The following RGS12 variants were observed in gnomAD, a reference collection of about 807,000 sequenced individuals.
RGS12 encodes regulator of G-protein signaling 12.
In RGS12, 66 loss-of-function variants were observed where a neutral mutation model predicts 120.1. The ratio of observed to expected loss-of-function variants is 0.55; its 90% CI spans 0.45 to 0.67. RGS12 has a LOEUF of 0.67. Among genes scored for constraint, RGS12 ranks in the 30% least tolerant of loss-of-function variants. RGS12 has a pLI of 0.00. For missense variants in RGS12, 1,859 were observed against 1,957.7 expected (o/e 0.95, Z 0.95); for synonymous variants, 827 against 804.7 (o/e 1.03, Z -0.47).
chr4:3,410,774 A>T (rs1323748108), intron 4 of RGS12, among the ~76,000 whole-genome samples: 4 of 152,224 alleles, frequency 2.6e-5, no homozygotes, highest in Admixed American at 2.0e-4. Context: ...TGATGAGGCC[A>T]GTGAACCTAC....
chr4:3,348,000 A>G (rs1191331380), intron 3 of RGS12, among the ~76,000 whole-genome samples: 2 of 152,260 alleles, frequency 1.3e-5, no homozygotes, highest in Non-Finnish European at 2.9e-5. Context: ...AATTTACCAG[A>G]TAAGCCTAAT....
intron 13 of RGS12, among the ~76,000 whole-genome samples, chr4:3,424,595 C>G (rs768884318): frequency 2.0e-5 from 3 of 152,178 alleles, no homozygotes; most frequent in Non-Finnish European, 4.4e-5. Context: ...GCAGCGTGCT[C>G]GTGGCATGGT....
chr4:3,338,409 GGT>G (rs1712709041), intron 2 of RGS12, among the ~76,000 whole-genome samples: 1 of 152,230 alleles, frequency 6.6e-6, no homozygotes, highest in Non-Finnish European at 1.5e-5. Context: ...CCTGAGCAGG[GGT>G]TAAGGTTCTA....
chr4:3,422,051 C>T (rs1029981356), intron 10 of RGS12, among the ~76,000 whole-genome samples: 2 of 152,156 alleles, frequency 1.3e-5, no homozygotes, highest in Admixed American at 1.3e-4. Context: ...GGGAGTGGTC[C>T]TCACAGGGCA....
intron 3 of RGS12, among the ~76,000 whole-genome samples, chr4:3,361,999 G>T (rs975997976): frequency 6.6e-6 from 1 of 152,210 alleles, no homozygotes; most frequent in Non-Finnish European, 1.5e-5. Flanking sequence ...GGAGCCAGGA[G>T]CCAGCGTGTA....
chr4:3,336,592 G>A (rs1053253899), intron 2 of RGS12, among the ~76,000 whole-genome samples: 1 of 152,248 alleles, frequency 6.6e-6, no homozygotes, highest in Non-Finnish European at 1.5e-5. Flanking sequence ...AGGGGTGGGG[G>A]TGTAGTCGTG....
At position 3,317,127 on chromosome 4, in the gene RGS12, G is replaced by C; in HGVS notation, c.957G>C (p.Thr319=). Residue 319 remains threonine (T), a synonymous_variant, in exon 2 of 18, where the codon ACG becomes ACC. Transcript: ENST00000336727. ...RRFFGLVTMQ[T]NDDGSLAQEE... ...TTTTCGGGTTGGTTACCATGCAGACGAATGACGACGGGAGCCTGGCCCAGG... is the reference window on the plus strand; with the variant it reads ...TTTTCGGGTTGGTTACCATGCAGACCAATGACGACGGGAGCCTGGCCCAGG... 1.9e-6 allele frequency: 3 copies of C among 1,613,942 alleles called. No homozygotes were observed. Among genetic ancestry groups the C allele is most frequent in the Non-Finnish European group, 2.5e-6 (3 of 1,180,022 alleles).
intron 3 of RGS12, among the ~76,000 whole-genome samples, chr4:3,357,466 A>T (rs1010049504): frequency 1.3e-5 from 2 of 152,150 alleles, no homozygotes; most frequent in African/African-American, 4.8e-5. Context: ...TGTCTTGAAG[A>T]AAACCCTGTT....
At chr4:3,380,822 G>T (rs552832973) in intron 3 of RGS12, among the ~76,000 whole-genome samples, 2 of 152,324 alleles carry the variant, frequency 1.3e-5, no homozygotes, top group African/African-American at 4.8e-5. Flanking sequence ...CTCCAGGCCT[G>T]TGATGAGAGG....
intron 4 of RGS12, chr4:3,412,992 C>G (rs1288450713): frequency 7.0e-6 from 1 of 142,312 alleles, no homozygotes; most frequent in Non-Finnish European, 1.6e-5. Flanking sequence ...GACGGGGGCG[C>G]CCCCACACTG....
chr4:3,425,177 C>T (rs146372032), intron 13 of RGS12, among the ~76,000 whole-genome samples: 4 of 152,298 alleles, frequency 2.6e-5, no homozygotes, highest in African/African-American at 9.6e-5. Context: ...TCAGTATTTC[C>T]CTCATAGCAG....
In RGS12 at chr4:3,433,369, A is replaced by T. The variant is rs1724518967; in HGVS notation, c.4114+2414A>T. ...GCTACGCGTGGGGGCTGCCAGCAAC[A>T]GCCTTGAGGTAGGGGGAGTCTCCAC... On this transcript the variant is annotated intron_variant, in intron 17 of 17. Transcript: ENST00000336727. The surrounding 1 kb of genome is among the most constrained non-coding windows in gnomAD (Gnocchi z 4.4). Among the ~76,000 whole-genome samples, 1 of 152,172 alleles carries T rather than the reference A, an allele frequency of 6.6e-6. No individual in the cohort carries two copies. Among genetic ancestry groups the T allele is most frequent in the Admixed American group, 6.5e-5 (1 of 15,284 alleles).
rs1717067742 is a variant in RGS12 at position 3,372,073 on chromosome 4, A to T, written c.1999-14343A>T. On this transcript the variant is annotated intron_variant, in intron 3 of 17. Transcript: ENST00000336727. The surrounding 1 kb of genome is among the most constrained non-coding windows in gnomAD (Gnocchi z 4.3). Reference sequence around the variant, plus strand: ...GCCTGTCACCTAATCGGGGCACCTCATCCTGTTTCATAAACCATGTGGCGT... The same window carrying T: ...GCCTGTCACCTAATCGGGGCACCTCTTCCTGTTTCATAAACCATGTGGCGT... 6.6e-6 allele frequency among the ~76,000 whole-genome samples: 1 copy of T among 152,180 alleles called. No individual in the cohort carries two copies.
intron 6 of RGS12, among the ~76,000 whole-genome samples, chr4:3,415,100 GA>G (rs1722230275): frequency 1.4e-5 from 2 of 144,650 alleles, no homozygotes; most frequent in Non-Finnish European, 3.0e-5. Flanking sequence ...GGGCGTGTGA[GA>G]GGTCGCGTGT....
intron 3 of RGS12, among the ~76,000 whole-genome samples, chr4:3,362,877 G>A (rs1042961552): frequency 3.3e-5 from 5 of 151,692 alleles, no homozygotes; most frequent in Admixed American, 2.6e-4. Flanking sequence ...GGGTGTGTGT[G>A]TGTGAGAGCA....
chr4:3,355,121 A>C (rs1171392364), intron 3 of RGS12, among the ~76,000 whole-genome samples: 1 of 152,202 alleles, frequency 6.6e-6, no homozygotes, highest in African/African-American at 2.4e-5. Context: ...TTTCAAGGAC[A>C]CACTATTTTT....
upstream of RGS12, among the ~76,000 whole-genome samples, chr4:3,288,743 C>G (rs540585003): frequency 2.0e-5 from 3 of 152,276 alleles, no homozygotes; most frequent in African/African-American, 7.2e-5. The surrounding 1 kb of genome is among the most constrained non-coding windows in gnomAD (Gnocchi z 5.2). Context: ...CAAAGGGATC[C>G]GGTCCCCGTG....
At chr4:3,332,537 T>C (rs1048035064) in intron 2 of RGS12, among the ~76,000 whole-genome samples, 3 of 152,234 alleles carry the variant, frequency 2.0e-5, no homozygotes, top group Non-Finnish European at 4.4e-5. Flanking sequence ...TTTAAATCTT[T>C]TGCTAATCTG....
chr4:3,434,470 C>T lies in RGS12; in HGVS notation c.4114+3515C>T, dbSNP rs544975245. Among the ~76,000 whole-genome samples the T allele has an allele frequency of 5.6e-4, 85 of 152,216 alleles. 1 individual carries two copies. In the South Asian group the frequency reaches 0.017, roughly 30 times the overall value. Reference sequence around the variant, plus strand: ...TGGCATGTGTCGGTGTGTGCACCTGCCATGTGTCTGCATGGCACGTTTTGT... The same window carrying T: ...TGGCATGTGTCGGTGTGTGCACCTGTCATGTGTCTGCATGGCACGTTTTGT... On this transcript the variant is annotated intron_variant, in intron 17 of 17. Coordinates refer to ENST00000336727, the MANE Select transcript of RGS12 (RefSeq NM_001394154.1).
Sources: allele counts gnomAD v4.1 joint callset (sites outside exome capture counted in the v4.1 genomes callset), GRCh38; gene constraint gnomAD v4.1.1; non-coding constraint Gnocchi (gnomAD v3.1); transcripts MANE v1.5; gene names NCBI Gene and HGNC (gene_info 2026-07-23, HGNC 2026-07-21).